Variants in STK3 observed in about 807,000 individuals in gnomAD.
STK3 encodes the protein serine/threonine-protein kinase 3.
STK3 carries 41 observed loss-of-function variants against 58.0 expected under a neutral mutation model. The ratio of observed to expected loss-of-function variants is 0.71; its 90% CI spans 0.55 to 0.92. STK3 has a LOEUF of 0.92. Among genes scored for constraint, STK3 ranks in the 40% least tolerant of loss-of-function variants. The pLI, the probability that STK3 is intolerant of heterozygous loss-of-function variation, is 0.00. For synonymous variants in STK3, 170 were observed against 191.0 expected, an observed-to-expected ratio of 0.89 and a Z score of 0.91; for missense variants, 479 against 602.7, an observed-to-expected ratio of 0.79 and a Z score of 2.15.
downstream of STK3, chr8:98,883,750 G>C (rs1247997660): frequency 2.8e-6 from 2 of 702,728 alleles, no homozygotes; most frequent in Non-Finnish European, 5.2e-6. Flanking sequence ...TCCATGAGTT[G>C]TAACATTTCC....
chr8:98,810,464 T>A (rs200411449), intron 1 of STK3, among the ~76,000 whole-genome samples: 1 of 151,944 alleles, frequency 6.6e-6, no homozygotes, highest in East Asian at 1.9e-4. Flanking sequence ...ATAATAGTCA[T>A]CCTAAAGACT....
chr8:98,798,933 A>G (rs1457129124), intron 1 of STK3, among the ~76,000 whole-genome samples: 1 of 152,204 alleles, frequency 6.6e-6, no homozygotes, highest in African/African-American at 2.4e-5. Flanking sequence ...AGCATTCCTC[A>G]CCACCAGAGG....
intron 1 of STK3, among the ~76,000 whole-genome samples, chr8:98,941,342 C>G (rs1840420013): frequency 6.6e-6 from 1 of 152,228 alleles, no homozygotes; most frequent in African/African-American, 2.4e-5. Flanking sequence ...GGTGCACGCA[C>G]CCTGAGCAGA....
At chr8:98,891,118 C>A (rs953774037) in intron 1 of STK3, among the ~76,000 whole-genome samples, 3 of 152,242 alleles carry the variant, frequency 2.0e-5, no homozygotes, top group Non-Finnish European at 4.4e-5. Flanking sequence ...CTAAGAGCCT[C>A]TGAAGGTCAG....
At chr8:98,912,142 G>T (rs930378926) in intron 1 of STK3, among the ~76,000 whole-genome samples, 2 of 152,168 alleles carry the variant, frequency 1.3e-5, no homozygotes, top group African/African-American at 4.8e-5. Context: ...ACTTTAGGAG[G>T]CAGAGGCAGG....
At chr8:98,503,685 G>T (rs1180810047) in intron 10 of STK3, among the ~76,000 whole-genome samples, 3 of 152,194 alleles carry the variant, frequency 2.0e-5, no homozygotes, top group African/African-American at 7.2e-5. Context: ...GGAGCAGGTT[G>T]TTCCGTTTCT....
intron 3 of STK3, among the ~76,000 whole-genome samples, chr8:98,874,596 T>G (rs548364952): frequency 6.6e-6 from 1 of 152,172 alleles, no homozygotes; most frequent in Admixed American, 6.6e-5. Flanking sequence ...TATAAACATA[T>G]ATATATATGT....
chr8:98,721,708 C>T (rs560963564), intron 4 of STK3, among the ~76,000 whole-genome samples: 149 of 152,070 alleles, frequency 9.8e-4, no homozygotes, highest in African/African-American at 3.3e-3. Flanking sequence ...AACTACTAAA[C>T]TGCTCTAATT....
intron 3 of STK3, among the ~76,000 whole-genome samples, chr8:98,870,918 A>G (rs1693468245): frequency 6.6e-6 from 1 of 152,214 alleles, no homozygotes; most frequent in East Asian, 1.9e-4. Context: ...GTCCTTGCCC[A>G]TGCCTATGGC....
At chr8:98,861,833 C>A (rs551884632) in intron 3 of STK3, among the ~76,000 whole-genome samples, 82 of 152,294 alleles carry the variant, frequency 5.4e-4, no homozygotes, top group Non-Finnish European at 1.1e-3. Flanking sequence ...GCAGCATTCA[C>A]AGCCTTGTGA....
At position 98,897,612 on chromosome 8, in the gene STK3, C is replaced by A. The variant is rs182836568; in HGVS notation, c.-78-13778G>T. On this transcript the variant is annotated intron_variant, in intron 1 of 1. Transcript: ENST00000519420. ...TCCGTCTCAAAAACAAACAAACAAA[C>A]AAAAAAAAAGTCTTTTTATCCTCTG... Among the ~76,000 whole-genome samples, 353 of 150,620 alleles carry A rather than the reference C, an allele frequency of 2.3e-3. 5 individuals are homozygous for A. The East Asian group carries it at 0.031, about 13-fold the overall frequency.
At chr8:98,550,538 ATTTAT>A (rs906715869) in intron 8 of STK3, among the ~76,000 whole-genome samples, 3 of 152,110 alleles carry the variant, frequency 2.0e-5, no homozygotes, top group African/African-American at 7.2e-5. Flanking sequence ...GTCTTCTTAC[ATTTAT>A]TTTCTCTTTC....
chr8:98,897,935 T>A (rs1168098702), intron 1 of STK3, among the ~76,000 whole-genome samples: 1 of 152,226 alleles, frequency 6.6e-6, no homozygotes, highest in African/African-American at 2.4e-5. Flanking sequence ...GAATAACTAC[T>A]TTAGGAATCA....
chr8:98,799,058 T>C (rs762536850), intron 1 of STK3, among the ~76,000 whole-genome samples: 14 of 152,120 alleles, frequency 9.2e-5, no homozygotes, highest in Admixed American at 2.6e-4. Context: ...TAAATAAATT[T>C]CTCTTCTTTA....
At chr8:98,938,721 C>A (rs117062853) in intron 1 of STK3, among the ~76,000 whole-genome samples, 2,648 of 152,200 alleles carry the variant, frequency 0.017, 37 homozygotes, top group South Asian at 0.031. Context: ...CTCCCTCACC[C>A]CCAGTGTCAT....
intron 1 of STK3, among the ~76,000 whole-genome samples, chr8:98,808,069 T>C (rs985063625): frequency 6.6e-6 from 1 of 152,168 alleles, no homozygotes; most frequent in African/African-American, 2.4e-5. Flanking sequence ...AAAGGTCAGA[T>C]AAAAGGAAGA....
intron 6 of STK3, among the ~76,000 whole-genome samples, chr8:98,599,184 A>G (rs1816102722): frequency 6.6e-6 from 1 of 152,262 alleles, no homozygotes; most frequent in African/African-American, 2.4e-5. Context: ...AATGAGATAA[A>G]GGATGAGAAA....
intron 1 of STK3, among the ~76,000 whole-genome samples, chr8:98,823,618 T>C (rs1324904828): frequency 2.0e-5 from 3 of 152,258 alleles, no homozygotes; most frequent in Admixed American, 2.0e-4. Flanking sequence ...TCAAATATAT[T>C]TGTCAAATTT....
chr8:98,427,069 G>A (rs1338901403), intron 3 of STK3: 1 of 150,544 alleles, frequency 6.6e-6, no homozygotes, highest in African/African-American at 2.4e-5. Flanking sequence ...GTGGGTGAGG[G>A]GCGCGCGGAT....
Sources: allele counts gnomAD v4.1 joint callset (sites outside exome capture counted in the v4.1 genomes callset), GRCh38; gene constraint gnomAD v4.1.1; transcripts MANE v1.5; gene names NCBI Gene and HGNC (gene_info 2026-07-23, HGNC 2026-07-21).